Variants in HS6ST2 observed in about 807,000 individuals in gnomAD.
HS6ST2 encodes heparan-sulfate 6-O-sulfotransferase 2.
A neutral mutation model predicts 33.0 loss-of-function variants in HS6ST2; 17 were observed. The ratio of observed to expected loss-of-function variants is 0.52; its 90% confidence interval spans 0.35 to 0.77. The LOEUF is 0.77. HS6ST2 is among the 30% of genes least tolerant of loss of function. The pLI, the probability that HS6ST2 is intolerant of heterozygous loss-of-function variation, is 0.01. For missense variants in HS6ST2, 519 were observed against 551.7 expected (o/e 0.94, Z 0.59); for synonymous variants, 248 against 237.1 (o/e 1.05, Z -0.42).
At chrX:132,876,903 C>T (rs2080588684) in intron 2 of HS6ST2, among the ~76,000 whole-genome samples, 1 of 112,190 alleles carries the variant, frequency 8.9e-6, no homozygotes, top group African/African-American at 3.2e-5. Flanking sequence ...AAAGCCAAGG[C>T]AGGAGTATGT....
At chrX:132,817,749 G>C (rs1602710894) in intron 2 of HS6ST2, among the ~76,000 whole-genome samples, 1 of 111,956 alleles carries the variant, frequency 8.9e-6, no homozygotes, top group Admixed American at 9.5e-5. Flanking sequence ...GCAGGAGCTA[G>C]ACTGCTTGGC....
intron 2 of HS6ST2, among the ~76,000 whole-genome samples, chrX:132,743,558 C>T (rs1361185362): frequency 8.9e-6 from 1 of 111,955 alleles, no homozygotes; most frequent in East Asian, 2.8e-4. Context: ...TTATTGACCA[C>T]TTACATACCA....
chrX:132,714,456 G>A (rs920137450), intron 2 of HS6ST2, among the ~76,000 whole-genome samples: 2 of 110,637 alleles, frequency 1.8e-5, no homozygotes, highest in African/African-American at 6.6e-5. Context: ...GGGACTACAG[G>A]TGCCTGCCAC....
intron 2 of HS6ST2, among the ~76,000 whole-genome samples, chrX:132,760,938 C>T (rs2064799967): frequency 9.0e-6 from 1 of 111,266 alleles, no homozygotes; most frequent in African/African-American, 3.3e-5. Context: ...ACCTTGATAA[C>T]TAACAAGACT....
chrX:132,813,671 T>A, intron 2 of HS6ST2, among the ~76,000 whole-genome samples: 1 of 110,611 alleles, frequency 9.0e-6, no homozygotes, highest in Non-Finnish European at 1.9e-5. Flanking sequence ...TCTGACCACA[T>A]CAAATTGGTC....
chrX:132,666,087 T>G (rs2063807953), intron 4 of HS6ST2, among the ~76,000 whole-genome samples: 1 of 112,154 alleles, frequency 8.9e-6, no homozygotes, highest in Non-Finnish European at 1.9e-5. Flanking sequence ...CTCCAACGTG[T>G]TCTGACCAAG....
intron 2 of HS6ST2, among the ~76,000 whole-genome samples, chrX:132,876,246 T>C (rs1334055831): frequency 9.0e-6 from 1 of 111,026 alleles, no homozygotes; most frequent in Non-Finnish European, 1.9e-5. Flanking sequence ...ACCTTCACCT[T>C]AGGCAAATTT....
At chrX:132,829,199 T>TATATATATATATATATATACACAC (rs55664940) in intron 2 of HS6ST2, among the ~76,000 whole-genome samples, 40 of 73,285 alleles carry the variant, frequency 5.5e-4, no homozygotes, top group African/African-American at 1.3e-3. Flanking sequence ...TATATATATA[T>TATATATATATATATATATACACAC]ACATACTTAT....
At chrX:132,747,954 T>C (rs932989002) in intron 2 of HS6ST2, among the ~76,000 whole-genome samples, 12 of 111,678 alleles carry the variant, frequency 1.1e-4, no homozygotes, top group Admixed American at 1.0e-3. Flanking sequence ...ACAAAAATCC[T>C]ATGTTATTTT....
At chrX:132,653,652 A>T (rs971865032) in intron 4 of HS6ST2, among the ~76,000 whole-genome samples, 32 of 111,945 alleles carry the variant, frequency 2.9e-4, no homozygotes, top group African/African-American at 1.0e-3. Context: ...GTCCACAGTC[A>T]TTTGACTCTC....
chrX:132,871,848 G>A (rs780344170), intron 2 of HS6ST2, among the ~76,000 whole-genome samples: 1 of 111,059 alleles, frequency 9.0e-6, no homozygotes, highest in South Asian at 3.9e-4. Flanking sequence ...GTTGATAAGT[G>A]CAGCAAACCA....
chrX:132,813,539 T>C lies in HS6ST2; in HGVS notation c.948-105045A>G, dbSNP rs1440250933. ...AAGTTAGATTATAATAAAATTGAAT[T>C]GACTTTCCTTCCTTTTCTAAACCGA... is the stretch of plus-strand genomic sequence containing the variant. On this transcript the variant is annotated intron_variant, in intron 2 of 4. Transcript: ENST00000370833. 5.4e-5 allele frequency among the ~76,000 whole-genome samples: 6 copies of C among 111,931 alleles called. No individual in the cohort carries two copies. In the East Asian group the frequency reaches 1.4e-3, roughly 26 times the overall value.
At chrX:132,656,347 C>T (rs781048526) in intron 4 of HS6ST2, among the ~76,000 whole-genome samples, 5 of 111,752 alleles carry the variant, frequency 4.5e-5, no homozygotes, top group Admixed American at 9.5e-5. Context: ...TGGATAAAGG[C>T]GGTTTTCCAA....
At chrX:132,781,031 C>A (rs917479376) in intron 2 of HS6ST2, among the ~76,000 whole-genome samples, 6 of 112,098 alleles carry the variant, frequency 5.4e-5, no homozygotes, top group Admixed American at 4.7e-4. Context: ...TGTAGCTGAA[C>A]ACATTAGCAA....
intron 2 of HS6ST2, among the ~76,000 whole-genome samples, chrX:132,848,572 C>T (rs2065773692): frequency 8.9e-6 from 1 of 111,755 alleles, no homozygotes; most frequent in African/African-American, 3.3e-5. Flanking sequence ...CATAGATGAG[C>T]GCCATGGACT....
Position 132,792,718 on chromosome X carries a change from T to C in HS6ST2, c.948-84224A>G, listed in dbSNP as rs780766218. On this transcript the variant is annotated intron_variant, in intron 2 of 4. Transcript: ENST00000370833. ...CTGCTTTCTGTCTCTATGGATTTGCTTATTCTAATATTTCATATAAATGGA... is the reference window on the plus strand; with the variant it reads ...CTGCTTTCTGTCTCTATGGATTTGCCTATTCTAATATTTCATATAAATGGA... Among the ~76,000 whole-genome samples the C allele has an allele frequency of 3.6e-5, 4 of 111,930 alleles. No individual in the cohort carries two copies. The East Asian group carries it at 1.1e-3, about 31-fold the overall frequency.
chrX:132,813,987 C>T (rs2065373733), intron 2 of HS6ST2, among the ~76,000 whole-genome samples: 1 of 111,593 alleles, frequency 9.0e-6, no homozygotes, highest in South Asian at 3.8e-4. Context: ...CTCTGTCGCC[C>T]AGGCTGGAGT....
chrX:132,868,373 A>G (rs2066015982), intron 2 of HS6ST2, among the ~76,000 whole-genome samples: 1 of 112,048 alleles, frequency 8.9e-6, no homozygotes. Flanking sequence ...TAGATCAGCA[A>G]GACAAAAAAT....
At chrX:132,645,643 A>C (rs1247720109) in intron 4 of HS6ST2, among the ~76,000 whole-genome samples, 1 of 112,241 alleles carries the variant, frequency 8.9e-6, no homozygotes, top group African/African-American at 3.2e-5. Flanking sequence ...GGTGGAAAGA[A>C]TGTGCTGACA....
Sources: allele counts gnomAD v4.1 joint callset (sites outside exome capture counted in the v4.1 genomes callset), GRCh38; gene constraint gnomAD v4.1.1; transcripts MANE v1.5; gene names NCBI Gene and HGNC (gene_info 2026-07-23, HGNC 2026-07-21).